The following INPP4B variants were observed in gnomAD, a reference collection of about 807,000 sequenced individuals.
INPP4B encodes inositol polyphosphate 4-phosphatase type II.
A neutral mutation model predicts 122.5 loss-of-function variants in INPP4B; 55 were observed. That is an observed-to-expected ratio of 0.45 (90% CI 0.36 to 0.56). INPP4B has a LOEUF of 0.56. INPP4B is among the 20% of genes least tolerant of loss of function. The pLI is 0.00. For synonymous variants in INPP4B, 403 were observed against 388.7 expected (o/e 1.04, Z -0.43); for missense variants, 1,000 against 1,097.7 (o/e 0.91, Z 1.26).
At chr4:142,519,219 C>G (rs565726122) in intron 2 of INPP4B, among the ~76,000 whole-genome samples, 8 of 152,068 alleles carry the variant, frequency 5.3e-5, no homozygotes, top group Non-Finnish European at 1.2e-4. Context: ...AATTAAAACT[C>G]TAAGTTATTT....
At position 142,621,315 on chromosome 4, in the gene INPP4B, C is replaced by A. The variant is rs531806720; in HGVS notation, c.-191+104524G>T. Among the ~76,000 whole-genome samples, 219 of 151,930 alleles carry A rather than the reference C, an allele frequency of 1.4e-3. 1 individual carries two copies. In the Middle Eastern group the frequency reaches 0.031, roughly 21 times the overall value. On this transcript the variant is annotated intron_variant, in intron 2 of 25. Coordinates refer to ENST00000262992, the MANE Select transcript of INPP4B (RefSeq NM_001101669.3). Reference sequence around the variant, plus strand: ...CAGTAGAGAGGTAAGTGATGTAGATCTACTAAAAGATTTAGAAAATTATAT... The same window carrying A: ...CAGTAGAGAGGTAAGTGATGTAGATATACTAAAAGATTTAGAAAATTATAT...
At chr4:142,713,702 G>A (rs1763392979) in intron 2 of INPP4B, among the ~76,000 whole-genome samples, 1 of 152,186 alleles carries the variant, frequency 6.6e-6, no homozygotes, top group African/African-American at 2.4e-5. Flanking sequence ...GGCCTTGCCA[G>A]ATATGGTTGT....
At chr4:142,195,132 C>T (rs1224163381) in intron 14 of INPP4B, among the ~76,000 whole-genome samples, 2 of 150,576 alleles carry the variant, frequency 1.3e-5, no homozygotes, top group African/African-American at 4.8e-5. Flanking sequence ...GATGGAAACT[C>T]TGCCATCTGC....
chr4:142,550,585 T>TACAC, intron 2 of INPP4B, among the ~76,000 whole-genome samples: 1 of 53,512 alleles, frequency 1.9e-5, no homozygotes, highest in South Asian at 7.6e-4. Flanking sequence ...ATATATGTAA[T>TACAC]ATATACACAC....
At chr4:142,571,210 C>T (rs183989175) in intron 2 of INPP4B, among the ~76,000 whole-genome samples, 1 of 151,832 alleles carries the variant, frequency 6.6e-6, no homozygotes, top group Non-Finnish European at 1.5e-5. Context: ...TTATTTTTCT[C>T]TTCTCTTCCT....
intron 1 of INPP4B, among the ~76,000 whole-genome samples, chr4:142,834,757 C>A (rs1199979074): frequency 1.3e-5 from 2 of 152,152 alleles, no homozygotes; most frequent in Non-Finnish European, 2.9e-5. Flanking sequence ...CTCTCACATG[C>A]ACTCTTTATC....
chr4:142,684,184 G>C (rs925378647), intron 2 of INPP4B, among the ~76,000 whole-genome samples: 1 of 152,050 alleles, frequency 6.6e-6, no homozygotes, highest in African/African-American at 2.4e-5. Flanking sequence ...GCAAGTGGGA[G>C]AGTTGCTGCC....
chr4:142,272,589 G>C (rs1297849618), intron 9 of INPP4B, among the ~76,000 whole-genome samples: 2 of 151,998 alleles, frequency 1.3e-5, no homozygotes, highest in East Asian at 3.9e-4. Context: ...AGCATGATCT[G>C]TGAAGAAAAC....
intron 2 of INPP4B, among the ~76,000 whole-genome samples, chr4:142,688,662 G>A (rs757233902): frequency 2.0e-5 from 3 of 152,154 alleles, no homozygotes; most frequent in African/African-American, 7.2e-5. Context: ...AAATTTGAAA[G>A]AAAGATGATA....
At chr4:142,180,649 T>C (rs1160598950) in intron 15 of INPP4B, among the ~76,000 whole-genome samples, 1 of 152,194 alleles carries the variant, frequency 6.6e-6, no homozygotes, top group Non-Finnish European at 1.5e-5. Context: ...CAAACTAGCA[T>C]AGATGGTAAA....
intron 7 of INPP4B, among the ~76,000 whole-genome samples, chr4:142,319,952 C>T (rs1769362457): frequency 2.0e-5 from 3 of 152,180 alleles, no homozygotes; most frequent in Admixed American, 6.5e-5. Flanking sequence ...TCTCACGAGG[C>T]TGAAATCAAG....
intron 1 of INPP4B, among the ~76,000 whole-genome samples, chr4:142,778,286 C>T (rs1202662522): frequency 6.6e-6 from 1 of 152,112 alleles, no homozygotes; most frequent in Non-Finnish European, 1.5e-5. Context: ...CAGCCTCAAG[C>T]ACCCATCCTT....
At position 142,027,100 on chromosome 4, in the gene INPP4B, G is replaced by A. The variant is rs1259401988; in HGVS notation, c.*1682C>T. On this transcript the variant is annotated 3_prime_UTR_variant, in exon 26 of 26. Transcript: ENST00000262992. Reference sequence around the variant, plus strand: ...GTTAAGAGAACATCAAGGTAATTTTGTCTATGAATGGATTCAAAGTACACA... The same window carrying A: ...GTTAAGAGAACATCAAGGTAATTTTATCTATGAATGGATTCAAAGTACACA... The A allele has an allele frequency of 6.6e-6, 1 of 152,142 alleles. No homozygotes were observed. Among genetic ancestry groups the A allele is most frequent in the Non-Finnish European group, 1.5e-5 (1 of 68,018 alleles). 9.4% of individuals were successfully genotyped at this position (152,142 alleles called of 1,614,324 possible).
Position 142,498,161 on chromosome 4 carries a change from A to ATATG in INPP4B, c.-190-35436_-190-35435insCATA, listed in dbSNP as rs1303243603. On this transcript the variant is annotated intron_variant, in intron 2 of 25. Transcript: ENST00000262992. The stretch of plus-strand genomic sequence containing the variant: ...TGTATACATACATATGTGTATACAT[A>ATATG]TATATGTATGTATACATACATATGT... Among the ~76,000 whole-genome samples, 994 of 151,254 alleles carry ATATG rather than the reference A, an allele frequency of 6.6e-3. 13 individuals are homozygous for ATATG. The highest frequency in any genetic ancestry group is 0.023 in the African/African-American group (944 of 41,172).
intron 25 of INPP4B, among the ~76,000 whole-genome samples, chr4:142,033,741 T>C (rs1022102921): frequency 6.7e-6 from 1 of 149,634 alleles, no homozygotes; most frequent in African/African-American, 2.5e-5. Context: ...CATGGCCTAC[T>C]GCAGCTTCTA....
chr4:142,370,375 A>G (rs969291286), intron 7 of INPP4B, among the ~76,000 whole-genome samples: 2 of 152,214 alleles, frequency 1.3e-5, no homozygotes, highest in African/African-American at 4.8e-5. Flanking sequence ...AAAATAAATC[A>G]TTTTGATAAA....
At chr4:142,818,076 G>A (rs1254396880) in intron 1 of INPP4B, among the ~76,000 whole-genome samples, 1 of 152,134 alleles carries the variant, frequency 6.6e-6, no homozygotes, top group African/African-American at 2.4e-5. Context: ...CAAGTCTTCA[G>A]AATAGTAAGG....
chr4:142,198,431 T>C (rs1162729278), intron 14 of INPP4B, among the ~76,000 whole-genome samples: 1 of 151,994 alleles, frequency 6.6e-6, no homozygotes, highest in Non-Finnish European at 1.5e-5. Flanking sequence ...ATCATTTCTA[T>C]TCTTGTTATA....
At chr4:142,258,527 T>G (rs1223728656) in intron 11 of INPP4B, among the ~76,000 whole-genome samples, 3 of 151,838 alleles carry the variant, frequency 2.0e-5, no homozygotes, top group Non-Finnish European at 2.9e-5. Context: ...AACAACCCCA[T>G]CAAAAAGTGG....
Sources: gnomAD v4.1 joint callset for allele counts (sites outside exome capture counted in the v4.1 genomes callset) on GRCh38, gnomAD v4.1.1 for gene constraint, MANE v1.5 for transcripts, NCBI Gene and HGNC (gene_info 2026-07-23, HGNC 2026-07-21) for gene names.